BBS9: variants seen among roughly 807,000 people sequenced by gnomAD.
The protein encoded by BBS9 is protein PTHB1.
In BBS9, 89 loss-of-function variants were observed where a neutral mutation model predicts 117.7. That is an observed-to-expected ratio of 0.76 (90% CI 0.64 to 0.90). The LOEUF (loss-of-function observed/expected upper bound fraction) is 0.90. Ranked by LOEUF, BBS9 falls within the 40% of genes least tolerant of loss-of-function variation. The pLI is 0.00. For synonymous variants in BBS9, 379 were observed against 370.9 expected, an observed-to-expected ratio of 1.02 and a Z score of -0.25; for missense variants, 982 against 1,042.2, an observed-to-expected ratio of 0.94 and a Z score of 0.80.
At chr7:33,479,395 G>C (rs1356509666) in intron 19 of BBS9, among the ~76,000 whole-genome samples, 1 of 152,120 alleles carries the variant, frequency 6.6e-6, no homozygotes, top group Non-Finnish European at 1.5e-5. Flanking sequence ...ATTCACTTAG[G>C]ATAATGGTCT....
chr7:33,529,091 A>G (rs754083662), intron 20 of BBS9, among the ~76,000 whole-genome samples: 2 of 152,208 alleles, frequency 1.3e-5, no homozygotes, highest in East Asian at 1.9e-4. Context: ...CAGGAGGAGC[A>G]GACTAGGCAA....
intron 16 of BBS9, 128 bp downstream of exon 16, chr7:33,358,123 A>G: frequency 7.9e-7 from 1 of 1,268,980 alleles, no homozygotes; most frequent in Non-Finnish European, 1.1e-6. Context: ...AAAATGCCTC[A>G]AGGATTTTTC....
chr7:33,230,728 T>A (rs946010403), intron 5 of BBS9, among the ~76,000 whole-genome samples: 2 of 152,194 alleles, frequency 1.3e-5, no homozygotes, highest in Non-Finnish European at 2.9e-5. Flanking sequence ...CCATTTCCAA[T>A]GAAGTTGCTG....
intron 9 of BBS9, among the ~76,000 whole-genome samples, chr7:33,331,308 G>A (rs542739554): frequency 9.9e-5 from 15 of 152,250 alleles, no homozygotes; most frequent in African/African-American, 3.6e-4. Flanking sequence ...CCCACAGCCA[G>A]CATCATGCTG....
At chr7:33,132,940 G>T (rs1030416594) in intron 1 of BBS9, among the ~76,000 whole-genome samples, 1 of 152,032 alleles carries the variant, frequency 6.6e-6, no homozygotes, top group Admixed American at 6.6e-5. Context: ...TAAAAAAGTT[G>T]TAATAATTTT....
intron 9 of BBS9, among the ~76,000 whole-genome samples, chr7:33,288,252 A>G (rs116180176): frequency 0.016 from 2,426 of 152,218 alleles, 69 homozygotes; most frequent in African/African-American, 0.056. Context: ...CTCCCTGTTC[A>G]TGGTGGAGAG....
intron 5 of BBS9, among the ~76,000 whole-genome samples, chr7:33,237,688 AT>A (rs1197486115): frequency 9.2e-5 from 14 of 152,174 alleles, no homozygotes; most frequent in Non-Finnish European, 8.8e-5. Context: ...TTCAACAACC[AT>A]TTAAATTAAC....
chr7:33,582,295 G>C (rs571669685), intron 21 of BBS9, among the ~76,000 whole-genome samples: 1 of 152,056 alleles, frequency 6.6e-6, no homozygotes, highest in Non-Finnish European at 1.5e-5. Context: ...GCACAGAGGT[G>C]GGGCACAGTG....
At chr7:33,541,337 G>T (rs1406155626) in intron 21 of BBS9, among the ~76,000 whole-genome samples, 8 of 152,104 alleles carry the variant, frequency 5.3e-5, no homozygotes, top group African/African-American at 1.9e-4. Flanking sequence ...ACCTGATGAT[G>T]CTACCTCCCA....
intron 2 of BBS9, among the ~76,000 whole-genome samples, chr7:33,149,918 T>A (rs1471154839): frequency 6.6e-6 from 1 of 152,214 alleles, no homozygotes; most frequent in Non-Finnish European, 1.5e-5. Context: ...TCCATGAATC[T>A]TGGTTATTTA....
intron 5 of BBS9, among the ~76,000 whole-genome samples, chr7:33,215,025 TA>T (rs1788780079): frequency 1.3e-5 from 2 of 152,146 alleles, no homozygotes; most frequent in African/African-American, 2.4e-5. Context: ...ACCCTGTCTC[TA>T]CTAAAAATAC....
intron 16 of BBS9, among the ~76,000 whole-genome samples, chr7:33,359,188 C>T (rs1473583957): frequency 6.6e-6 from 1 of 151,780 alleles, no homozygotes; most frequent in East Asian, 1.9e-4. Flanking sequence ...TTATTAGTTT[C>T]TTGGGTCTCC....
At chr7:33,616,725 A>C (rs1261602538) in intron 21 of BBS9, among the ~76,000 whole-genome samples, 1 of 151,568 alleles carries the variant, frequency 6.6e-6, no homozygotes, top group Non-Finnish European at 1.5e-5. Context: ...TTCTTTTTAT[A>C]GATTTAGGGA....
intron 9 of BBS9, among the ~76,000 whole-genome samples, chr7:33,278,285 G>C (rs1562927483): frequency 1.3e-5 from 2 of 152,202 alleles, no homozygotes; most frequent in Non-Finnish European, 2.9e-5. Flanking sequence ...GGGCATAGTT[G>C]TGGTATGGGT....
At chr7:33,515,496 T>C (rs902633964) in intron 20 of BBS9, among the ~76,000 whole-genome samples, 11 of 152,348 alleles carry the variant, frequency 7.2e-5, no homozygotes, top group African/African-American at 2.6e-4. Context: ...TCAAAAACTT[T>C]CCTTTTCGAC....
intron 5 of BBS9, among the ~76,000 whole-genome samples, chr7:33,184,445 C>CAA (rs35746458): frequency 0.97 from 147,458 of 152,198 alleles, 71,467 homozygotes; most frequent in East Asian, 1. Context: ...CATTTTTAAC[C>CAA]AAGAGATTTT....
intron 9 of BBS9, among the ~76,000 whole-genome samples, chr7:33,281,987 A>C (rs1801998463): frequency 6.6e-6 from 1 of 151,564 alleles, no homozygotes; most frequent in Admixed American, 6.6e-5. Flanking sequence ...GCAGATTAAA[A>C]AAAAATTTGT....
intron 5 of BBS9, among the ~76,000 whole-genome samples, chr7:33,182,658 G>A (rs1209752550): frequency 6.6e-6 from 1 of 152,000 alleles, no homozygotes; most frequent in Non-Finnish European, 1.5e-5. Context: ...TAATATTTAA[G>A]TGCCTATTAT....
At chr7:33,503,285 C>T (rs1352035096) in intron 19 of BBS9, among the ~76,000 whole-genome samples, 1 of 152,132 alleles carries the variant, frequency 6.6e-6, no homozygotes, top group African/African-American at 2.4e-5. Flanking sequence ...TGCGTACAGT[C>T]CTGGGCAAAT....
Sources: allele counts gnomAD v4.1 joint callset (sites outside exome capture counted in the v4.1 genomes callset), GRCh38; gene constraint gnomAD v4.1.1; transcripts MANE v1.5; gene names NCBI Gene and HGNC (gene_info 2026-07-23, HGNC 2026-07-21).